SH3KBP1: variants seen among roughly 807,000 people sequenced by gnomAD.
SH3KBP1 encodes SH3 domain-containing kinase-binding protein 1.
Under a neutral mutation model 50.1 loss-of-function variants are expected in SH3KBP1, and 8 were observed. The ratio of observed to expected loss-of-function variants is 0.16; its 90% CI spans 0.09 to 0.29. The LOEUF (loss-of-function observed/expected upper bound fraction) is 0.29. Among genes scored for constraint, SH3KBP1 ranks in the 10% least tolerant of loss-of-function variants. The pLI is 1.00. For missense variants in SH3KBP1, 377 were observed against 535.2 expected, an observed-to-expected ratio of 0.70 and a Z score of 2.92; for synonymous variants, 227 against 218.6, an observed-to-expected ratio of 1.04 and a Z score of -0.34.
chrX:19,838,654 C>G (rs1218272249), intron 1 of SH3KBP1, among the ~76,000 whole-genome samples: 1 of 111,218 alleles, frequency 9.0e-6, no homozygotes, highest in Non-Finnish European at 1.9e-5. Flanking sequence ...TTTGGGAGGC[C>G]AAGGCCGGCG....
intron 2 of SH3KBP1, among the ~76,000 whole-genome samples, chrX:19,817,721 G>A (rs894559511): frequency 9.0e-6 from 1 of 111,209 alleles, no homozygotes; most frequent in African/African-American, 3.3e-5. Context: ...TGCAACCTCC[G>A]TCTCCCAGGT....
At chrX:19,778,900 G>T (rs771991014) in intron 2 of SH3KBP1, among the ~76,000 whole-genome samples, 1 of 110,146 alleles carries the variant, frequency 9.1e-6, no homozygotes, top group African/African-American at 3.3e-5. Flanking sequence ...TTTCACCGCT[G>T]CTCAGTAACA....
At chrX:19,787,572 C>G in intron 2 of SH3KBP1, among the ~76,000 whole-genome samples, 1 of 111,681 alleles carries the variant, frequency 9.0e-6, no homozygotes. Context: ...TCATGACATT[C>G]AGAAGGTGCC....
intron 2 of SH3KBP1, among the ~76,000 whole-genome samples, chrX:19,831,791 C>CAAAAA (rs368754488): frequency 2.2e-4 from 8 of 36,385 alleles, no homozygotes; most frequent in South Asian, 5.0e-3. Flanking sequence ...AACTCCATCC[C>CAAAAA]AAAAAAAAAA....
At chrX:19,557,035 C>T (rs1053519134) in intron 13 of SH3KBP1, among the ~76,000 whole-genome samples, 3 of 111,520 alleles carry the variant, frequency 2.7e-5, no homozygotes, top group Middle Eastern at 4.6e-3. Context: ...CTAGATGCTT[C>T]GCATGCACAC....
intron 2 of SH3KBP1, among the ~76,000 whole-genome samples, chrX:19,823,345 C>T (rs1022232802): frequency 4.4e-5 from 5 of 112,391 alleles, no homozygotes; most frequent in African/African-American, 1.6e-4. Flanking sequence ...ATAGGCTAGA[C>T]TTTTATCTGG....
chrX:19,791,203 G>A (rs2066517250), intron 2 of SH3KBP1, among the ~76,000 whole-genome samples: 1 of 111,267 alleles, frequency 9.0e-6, no homozygotes, highest in Admixed American at 9.6e-5. Flanking sequence ...AAAAATGCCT[G>A]ATAGAAACAA....
intron 12 of SH3KBP1, among the ~76,000 whole-genome samples, chrX:19,576,514 A>C (rs1434162515): frequency 9.0e-6 from 1 of 111,426 alleles, no homozygotes; most frequent in African/African-American, 3.3e-5. Flanking sequence ...ATCACAGCTC[A>C]CTGTAGCCTC....
At chrX:19,850,187 A>AT (rs1050653910) in intron 1 of SH3KBP1, among the ~76,000 whole-genome samples, 2 of 110,338 alleles carry the variant, frequency 1.8e-5, no homozygotes, top group African/African-American at 6.6e-5. Flanking sequence ...GGCATCTATA[A>AT]TTTTTTTTTC....
At chrX:19,677,384 A>AC (rs1300241015) in intron 6 of SH3KBP1, among the ~76,000 whole-genome samples, 6 of 111,644 alleles carry the variant, frequency 5.4e-5, no homozygotes, top group Middle Eastern at 4.6e-3. Context: ...AGACAGAGGT[A>AC]CCACCTGTAT....
At chrX:19,875,764 A>G (rs2069232324) in intron 1 of SH3KBP1, among the ~76,000 whole-genome samples, 1 of 112,714 alleles carries the variant, frequency 8.9e-6, no homozygotes, top group African/African-American at 3.2e-5. Flanking sequence ...GTCACACTTA[A>G]CAGGCATTTG....
intron 8 of SH3KBP1, among the ~76,000 whole-genome samples, chrX:19,618,806 T>C (rs913690441): frequency 2.8e-5 from 3 of 107,450 alleles, no homozygotes; most frequent in Admixed American, 2.0e-4. Flanking sequence ...CAAAACCCCA[T>C]CTCTACAAAA....
intron 2 of SH3KBP1, among the ~76,000 whole-genome samples, chrX:19,777,914 C>G (rs2066031467): frequency 9.0e-6 from 1 of 111,211 alleles, no homozygotes; most frequent in African/African-American, 3.3e-5. Flanking sequence ...CTAACGTATG[C>G]TCTGGTGTGA....
intron 2 of SH3KBP1, among the ~76,000 whole-genome samples, chrX:19,812,892 T>C (rs112986453): frequency 0.025 from 2,801 of 110,752 alleles, 116 homozygotes; most frequent in African/African-American, 0.087. Flanking sequence ...GGAGAATCGC[T>C]TGAGCCCGGG....
At chrX:19,739,126 C>A (rs1046672196) in intron 3 of SH3KBP1, among the ~76,000 whole-genome samples, 3 of 109,903 alleles carry the variant, frequency 2.7e-5, no homozygotes, top group African/African-American at 1.0e-4. Context: ...ATTAAGTTCC[C>A]AGACTGACCC....
intron 3 of SH3KBP1, among the ~76,000 whole-genome samples, chrX:19,715,362 T>C: frequency 9.1e-6 from 1 of 109,351 alleles, no homozygotes; most frequent in Non-Finnish European, 1.9e-5. Context: ...AGGATAGAGA[T>C]AGAAAGCAAA....
At chrX:19,580,640 G>T (rs914173073) in intron 12 of SH3KBP1, among the ~76,000 whole-genome samples, 3 of 111,715 alleles carry the variant, frequency 2.7e-5, no homozygotes, top group Non-Finnish European at 5.6e-5. Flanking sequence ...AACCTGGGGT[G>T]CCAGCAATCT....
intron 6 of SH3KBP1, among the ~76,000 whole-genome samples, chrX:19,656,797 C>T (rs1160266472): frequency 2.7e-5 from 3 of 111,989 alleles, no homozygotes; most frequent in Non-Finnish European, 5.6e-5. Context: ...TGTTAAAACA[C>T]CAATCAATCT....
At chrX:19,591,728 G>A (rs2066755417) in intron 11 of SH3KBP1, among the ~76,000 whole-genome samples, 2 of 112,431 alleles carry the variant, frequency 1.8e-5, no homozygotes, top group Non-Finnish European at 1.9e-5. Flanking sequence ...GACAGGCTAA[G>A]TGGAAACTGA....
Sources: allele counts gnomAD v4.1 joint callset (sites outside exome capture counted in the v4.1 genomes callset), GRCh38; gene constraint gnomAD v4.1.1; transcripts MANE v1.5; gene names NCBI Gene and HGNC (gene_info 2026-07-23, HGNC 2026-07-21).